MAST2: variants seen among roughly 807,000 people sequenced by gnomAD.
MAST2 encodes microtubule-associated serine/threonine-protein kinase 2.
Under a neutral mutation model 147.4 loss-of-function variants are expected in MAST2, and 70 were observed. The observed-to-expected ratio is 0.47, with a 90% confidence interval of 0.39 to 0.58. The LOEUF is 0.58. Among genes scored for constraint, MAST2 ranks in the 20% least tolerant of loss-of-function variants. The pLI is 0.00. For synonymous variants in MAST2, 869 were observed against 896.8 expected (o/e 0.97, Z 0.55); for missense variants, 2,080 against 2,302.3 (o/e 0.90, Z 1.98).
At chr1:45,876,952 C>T (rs1421086780) in intron 3 of MAST2, among the ~76,000 whole-genome samples, 2 of 152,182 alleles carry the variant, frequency 1.3e-5, no homozygotes, top group Non-Finnish European at 1.5e-5. Flanking sequence ...TCAGAACTGT[C>T]ATGTAGATTC....
chr1:45,821,921 C>T (rs1644647194), intron 1 of MAST2, among the ~76,000 whole-genome samples: 1 of 106,082 alleles, frequency 9.4e-6, no homozygotes, highest in Non-Finnish European at 1.7e-5. Context: ...CAGAGTGTTG[C>T]TCTGTCACCC....
intron 5 of MAST2, among the ~76,000 whole-genome samples, chr1:45,995,629 T>G (rs995817551): frequency 6.6e-6 from 1 of 152,154 alleles, no homozygotes; most frequent in Non-Finnish European, 1.5e-5. Context: ...CCATGTTGCT[T>G]AGGCTGGTCT....
chr1:45,840,072 G>T (rs1645226701), intron 3 of MAST2, among the ~76,000 whole-genome samples: 1 of 152,096 alleles, frequency 6.6e-6, no homozygotes, highest in African/African-American at 2.4e-5. Context: ...GTTTCTTGGA[G>T]TAAAAAAAGC....
At chr1:45,905,023 T>G (rs970938874) in intron 4 of MAST2, among the ~76,000 whole-genome samples, 4 of 151,366 alleles carry the variant, frequency 2.6e-5, no homozygotes, top group African/African-American at 9.7e-5. Flanking sequence ...GTTGCTCATC[T>G]TGGTCTCATA....
chr1:45,983,728 A>T (rs1230975679), intron 5 of MAST2, among the ~76,000 whole-genome samples: 2 of 152,150 alleles, frequency 1.3e-5, no homozygotes, highest in African/African-American at 4.8e-5. Context: ...CCTGAACTCC[A>T]GAAGTCCTCC....
At chr1:45,816,392 T>C (rs2148664693) in intron 1 of MAST2, among the ~76,000 whole-genome samples, 1 of 152,194 alleles carries the variant, frequency 6.6e-6, no homozygotes, top group South Asian at 2.1e-4. Flanking sequence ...CAGGAAAACA[T>C]GACATCACCA....
chr1:45,904,174 A>ATTT (rs34657132), intron 4 of MAST2, among the ~76,000 whole-genome samples: 3 of 141,348 alleles, frequency 2.1e-5, no homozygotes, highest in African/African-American at 7.9e-5. Context: ...CTAATTTTTA[A>ATTT]TTTTTTTTTT....
chr1:46,003,165 A>C (rs548065574), intron 7 of MAST2, among the ~76,000 whole-genome samples: 1 of 152,304 alleles, frequency 6.6e-6, no homozygotes, highest in South Asian at 2.1e-4. Flanking sequence ...TTTGACAGTG[A>C]GACCAGATAT....
chr1:45,931,794 C>T (rs1655354468), intron 4 of MAST2, among the ~76,000 whole-genome samples: 1 of 151,978 alleles, frequency 6.6e-6, no homozygotes. Context: ...ATGCCCAGTC[C>T]CACCCCAGCC....
chr1:46,006,611 A>AT, intron 8 of MAST2: 1 of 361,606 alleles, frequency 2.8e-6, no homozygotes, highest in Non-Finnish European at 4.8e-6. Context: ...AAAAAAAAAA[A>AT]GTAGCAGGCC....
intron 5 of MAST2, among the ~76,000 whole-genome samples, chr1:45,986,136 T>G (rs1477002368): frequency 6.6e-6 from 1 of 152,236 alleles, no homozygotes; most frequent in African/African-American, 2.4e-5. Flanking sequence ...ATTTTGTCTT[T>G]ACTATTAACT....
intron 4 of MAST2, among the ~76,000 whole-genome samples, chr1:45,935,680 C>G (rs538739049): frequency 1.3e-5 from 2 of 152,264 alleles, no homozygotes; most frequent in South Asian, 4.1e-4. Flanking sequence ...TCCACTTTGT[C>G]AAAGATCAGA....
rs543849323 is a variant in MAST2, at chr1:45,990,175, A to G, written c.593-7549A>G. On this transcript the variant is annotated intron_variant, in intron 5 of 28. Transcript: ENST00000361297. ...AACTGTCTTCCAAAGTGGCTGTACC[A>G]TTTTGCATTCCTACTAACAATAACA... 1.8e-3 allele frequency among the ~76,000 whole-genome samples: 267 copies of G among 152,334 alleles called. 1 individual carries two copies. The highest frequency in any genetic ancestry group is 3.4e-3 in the Non-Finnish European group (230 of 68,022).
At chr1:45,987,078 T>G (rs1344109576) in intron 5 of MAST2, among the ~76,000 whole-genome samples, 1 of 152,244 alleles carries the variant, frequency 6.6e-6, no homozygotes, top group Admixed American at 6.5e-5. Context: ...TATCTGTTAC[T>G]GAGTGAGCTT....
chr1:46,034,531 T>A lies in MAST2; in HGVS notation c.3869-7T>A, dbSNP rs1331672223. 6.2e-7 allele frequency: 1 copy of A among 1,611,066 alleles called. No homozygotes were observed. Among genetic ancestry groups the A allele is most frequent in the African/African-American group, 1.3e-5 (1 of 74,892 alleles). On this transcript the variant is annotated splice_region_variant and splice_polypyrimidine_tract_variant and intron_variant, in intron 28 of 28. Transcript: ENST00000361297. ...TTGTCTGTCTGTCTGTCTGTCTCTG[T>A]ACAAAGTGGGAGGGAATTCATCACA... is the stretch of plus-strand genomic sequence containing the variant.
At chr1:45,840,713 T>TAC (rs1459475137) in intron 3 of MAST2, among the ~76,000 whole-genome samples, 1 of 152,188 alleles carries the variant, frequency 6.6e-6, no homozygotes, top group Non-Finnish European at 1.5e-5. Flanking sequence ...CAACCTAACC[T>TAC]AAGAGTATAC....
At chr1:46,019,737 G>T in intron 11 of MAST2, 40 bp downstream of exon 11, 1 of 1,549,496 alleles carries the variant, frequency 6.5e-7, no homozygotes, top group Non-Finnish European at 8.9e-7. Context: ...CAGATTTAGA[G>T]GAGGACTATA....
At position 45,819,057 on chromosome 1, in the gene MAST2, C is replaced by T. The variant is rs1644539806; in HGVS notation, c.178-5376C>T. ...TCACCAGAGTTCAGGAGTTCGAGAC[C>T]AGCCTGACCAACATGGTGAAACCTT... On this transcript the variant is annotated intron_variant, in intron 1 of 28. Transcript: ENST00000361297. Among the ~76,000 whole-genome samples the T allele has an allele frequency of 2.0e-5, 3 of 151,890 alleles. No individual in the cohort carries two copies. In the South Asian group the frequency reaches 6.2e-4, roughly 31 times the overall value.
chr1:45,952,897 A>C (rs990626452), intron 4 of MAST2, among the ~76,000 whole-genome samples: 2 of 152,228 alleles, frequency 1.3e-5, no homozygotes, highest in Non-Finnish European at 2.9e-5. Context: ...AGATCCCAAG[A>C]GGGAATGTTA....
Sources: allele counts gnomAD v4.1 joint callset (sites outside exome capture counted in the v4.1 genomes callset), GRCh38; gene constraint gnomAD v4.1.1; transcripts MANE v1.5; gene names NCBI Gene and HGNC (gene_info 2026-07-23, HGNC 2026-07-21).